Variants in SORCS2 observed in about 807,000 individuals in gnomAD.
SORCS2 encodes sortilin related VPS10 domain containing receptor 2, also known as VPS10 domain-containing receptor SorCS2.
In SORCS2, 100 loss-of-function variants were observed where a neutral mutation model predicts 141.6. That is an observed-to-expected ratio of 0.71 (90% CI 0.60 to 0.83). SORCS2 has a LOEUF of 0.83. Among genes scored for constraint, SORCS2 ranks in the 40% least tolerant of loss-of-function variants. The probability of loss-of-function intolerance (pLI) is 0.00; values close to 1 mark genes in which losing one functional copy is unlikely to be tolerated. For synonymous variants in SORCS2, 789 were observed against 676.9 expected, an observed-to-expected ratio of 1.17 and a Z score of -2.57; for missense variants, 1,646 against 1,560.2, an observed-to-expected ratio of 1.05 and a Z score of -0.93.
rs1726904985 is a variant in SORCS2 at position 7,192,591 on chromosome 4, G to A, written c.-56G>A. On this transcript the variant is annotated 5_prime_UTR_variant, in exon 1 of 27. Transcript: ENST00000507866. The surrounding 1 kb of genome is among the most constrained non-coding windows in gnomAD (Gnocchi z 4.0). ...CCAGCGCCCTCCTGCTCTCCCGGCCGCGGTCCCCTCGTCCGCGCCGCCCCG... is the reference window on the plus strand; with the variant it reads ...CCAGCGCCCTCCTGCTCTCCCGGCCACGGTCCCCTCGTCCGCGCCGCCCCG... 3.0e-6 allele frequency: 3 copies of A among 986,930 alleles called. No individual in the cohort carries two copies. The highest frequency in any genetic ancestry group is 3.6e-6 in the Non-Finnish European group (3 of 831,486). 61.1% of individuals were successfully genotyped at this position (986,930 alleles called of 1,614,324 possible).
chr4:7,460,422 C>T (rs1318569566), intron 2 of SORCS2, among the ~76,000 whole-genome samples: 1 of 152,238 alleles, frequency 6.6e-6, no homozygotes, highest in Non-Finnish European at 1.5e-5. Flanking sequence ...CCCCCAGCTT[C>T]AGAACAGCTC....
intron 2 of SORCS2, among the ~76,000 whole-genome samples, chr4:7,471,086 C>T (rs1729947770): frequency 6.6e-6 from 1 of 152,164 alleles, no homozygotes; most frequent in Non-Finnish European, 1.5e-5. Context: ...GAGGGAACAG[C>T]TAGGGAAAGG....
chr4:7,611,853 T>G (rs771006318), intron 3 of SORCS2, among the ~76,000 whole-genome samples: 83 of 152,360 alleles, frequency 5.4e-4, no homozygotes, highest in Non-Finnish European at 7.9e-4. Context: ...ACAGAGGCCA[T>G]AGGCCTGCAA....
In SORCS2 at chr4:7,286,550, G is replaced by A. The variant is rs111931417; in HGVS notation, c.480+93424G>A. Among the ~76,000 whole-genome samples, 33 of 152,252 alleles carry A rather than the reference G, an allele frequency of 2.2e-4. No individual in the cohort carries two copies. The Middle Eastern group carries it at 0.01, about 47-fold the overall frequency. The stretch of plus-strand genomic sequence containing the variant: ...TGGGCCTGGCACTGGAGCTGGGGTC[G>A]GTCCCAGGACCAGAAGGGACATGGT... On this transcript the variant is annotated intron_variant, in intron 1 of 26. Transcript: ENST00000507866. The surrounding 1 kb of genome is among the most constrained non-coding windows in gnomAD (Gnocchi z 4.1).
chr4:7,355,330 G>C (rs1721183046), intron 1 of SORCS2, among the ~76,000 whole-genome samples: 4 of 152,166 alleles, frequency 2.6e-5, no homozygotes, highest in Admixed American at 2.6e-4. Flanking sequence ...TCTCTGGCTT[G>C]AGACAATCTT....
At chr4:7,255,396 C>T (rs1467307273) in intron 1 of SORCS2, among the ~76,000 whole-genome samples, 1 of 152,102 alleles carries the variant, frequency 6.6e-6, no homozygotes, top group Non-Finnish European at 1.5e-5. Context: ...TGAATGGGCT[C>T]AGTGAAATAG....
rs565048952 is a variant in SORCS2 at position 7,647,518 on chromosome 4, G to A, written c.814-6616G>A. Among the ~76,000 whole-genome samples the A allele has an allele frequency of 5.3e-5, 8 of 152,340 alleles. No homozygotes were observed. The South Asian group carries it at 1.7e-3, about 32-fold the overall frequency. Reference sequence around the variant, plus strand: ...TTTGCCAGGACAGTTCCATGATGCAGGGCCCTGTCTGCTTTTCTTCAGCTG... The same window carrying A: ...TTTGCCAGGACAGTTCCATGATGCAAGGCCCTGTCTGCTTTTCTTCAGCTG... On this transcript the variant is annotated intron_variant, in intron 4 of 26. Transcript: ENST00000507866.
rs1304302122 is a variant in SORCS2, at chr4:7,444,330, TGAGGTGGA to T, written c.548+47986_548+47993del. On this transcript the variant is annotated intron_variant, in intron 2 of 26. Transcript: ENST00000507866. Reference sequence around the variant, plus strand: ...TTACAATATGGAGGAAAGTGATGAGTGAGGTGGAGAGGTGGAGACATTGTATAGGTTGT... The same window carrying T: ...TTACAATATGGAGGAAAGTGATGAGTGAGGTGGAGACATTGTATAGGTTGT... 6.6e-5 allele frequency among the ~76,000 whole-genome samples: 10 copies of T among 151,594 alleles called. No homozygotes were observed. The East Asian group carries it at 1.9e-3, about 29-fold the overall frequency.
At chr4:7,452,271 G>C (rs1278319576) in intron 2 of SORCS2, among the ~76,000 whole-genome samples, 1 of 152,124 alleles carries the variant, frequency 6.6e-6, no homozygotes, top group East Asian at 1.9e-4. Flanking sequence ...CTCCTGAGTG[G>C]CTGGGATTAC....
chr4:7,445,132 C>T (rs1727905009), intron 2 of SORCS2, among the ~76,000 whole-genome samples: 1 of 152,178 alleles, frequency 6.6e-6, no homozygotes, highest in South Asian at 2.1e-4. Flanking sequence ...CCCAGGAGGT[C>T]AGGACTGGGT....
At chr4:7,203,372 C>T (rs1015767004) in intron 1 of SORCS2, among the ~76,000 whole-genome samples, 7 of 152,084 alleles carry the variant, frequency 4.6e-5, no homozygotes, top group African/African-American at 7.2e-5. Context: ...TGTAGTGAGC[C>T]GAGATTGTGC....
chr4:7,209,678 TG>T, intron 1 of SORCS2, among the ~76,000 whole-genome samples: 2 of 143,230 alleles, frequency 1.4e-5, no homozygotes, highest in African/African-American at 5.0e-5. Context: ...ACTTCCAATC[TG>T]TTTTTTTTTT....
chr4:7,231,320 G>C (rs1711867518), intron 1 of SORCS2, among the ~76,000 whole-genome samples: 1 of 152,200 alleles, frequency 6.6e-6, no homozygotes, highest in Non-Finnish European at 1.5e-5. Flanking sequence ...ATTGTGGAGG[G>C]CAATGTGCTT....
intron 3 of SORCS2, among the ~76,000 whole-genome samples, chr4:7,582,807 A>G (rs1005560656): frequency 6.6e-6 from 1 of 152,078 alleles, no homozygotes; most frequent in Non-Finnish European, 1.5e-5. Context: ...TGGGTCAGCC[A>G]GTTCCCTTAG....
chr4:7,727,916 A>C (rs1727336360), intron 21 of SORCS2, among the ~76,000 whole-genome samples: 1 of 152,360 alleles, frequency 6.6e-6, no homozygotes, highest in African/African-American at 2.4e-5. Context: ...TGGGAGGACC[A>C]GCAAGTTGAA....
intron 3 of SORCS2, among the ~76,000 whole-genome samples, chr4:7,567,857 T>G (rs1482714048): frequency 2.0e-5 from 3 of 152,246 alleles, no homozygotes; most frequent in Non-Finnish European, 2.9e-5. Context: ...ATATTTATTT[T>G]CTCCTTTCAG....
At position 7,695,730 on chromosome 4, in the gene SORCS2, G is replaced by T. The variant is rs1394292672; in HGVS notation, c.1592-1468G>T. Among the ~76,000 whole-genome samples, 21 of 19,872 alleles carry T rather than the reference G, an allele frequency of 1.1e-3. 6 individuals are homozygous for T. Among genetic ancestry groups the T allele is most frequent in the African/African-American group, 2.5e-3 (13 of 5,210 alleles). The allele number at this position is 19,872 out of a possible 152,430, so 13.0% of individuals were successfully genotyped here. On this transcript the variant is annotated intron_variant, in intron 11 of 26. Transcript: ENST00000507866. ...TGGATGGATGGATGGATGGATGGAT[G>T]GATTGGTGGGTGGATGGATGGATGG...
At chr4:7,301,159 A>G (rs1239117742) in intron 1 of SORCS2, among the ~76,000 whole-genome samples, 2 of 152,012 alleles carry the variant, frequency 1.3e-5, no homozygotes, top group Non-Finnish European at 2.9e-5. Flanking sequence ...TCTGGATCCC[A>G]CAGCACAGCC....
intron 2 of SORCS2, among the ~76,000 whole-genome samples, chr4:7,448,449 G>A (rs4689749): frequency 0.54 from 75,714 of 139,608 alleles, 20,319 homozygotes; most frequent in East Asian, 0.79. Flanking sequence ...CCCCTCCCTC[G>A]TCTCCTTCCC....
Sources: gnomAD v4.1 joint callset for allele counts (sites outside exome capture counted in the v4.1 genomes callset) on GRCh38, gnomAD v4.1.1 for gene constraint, Gnocchi (gnomAD v3.1) non-coding constraint, MANE v1.5 for transcripts, NCBI Gene and HGNC (gene_info 2026-07-23, HGNC 2026-07-21) for gene names.